Variants in GABRB3 observed in about 807,000 individuals in gnomAD.
GABRB3 encodes the protein gamma-aminobutyric acid type A receptor subunit beta3, also known as gamma-aminobutyric acid receptor subunit beta-3.
In GABRB3, 14 loss-of-function variants were observed where a neutral mutation model predicts 52.1. That is an observed-to-expected ratio of 0.27 (90% CI 0.18 to 0.42). The LOEUF (loss-of-function observed/expected upper bound fraction) is 0.42. Among genes scored for constraint, GABRB3 ranks in the 10% least tolerant of loss-of-function variants. The pLI is 1.00. For missense variants in GABRB3, 307 were observed against 609.1 expected (o/e 0.50, Z 5.22); for synonymous variants, 260 against 232.3 (o/e 1.12, Z -1.08).
At chr15:26,728,988 C>T (rs1200353594) in intron 3 of GABRB3, among the ~76,000 whole-genome samples, 1 of 152,186 alleles carries the variant, frequency 6.6e-6, no homozygotes, top group Non-Finnish European at 1.5e-5. Flanking sequence ...ATAACAGAAA[C>T]ACCCTTATAC....
chr15:26,572,935 T>C (rs916050552), intron 6 of GABRB3, among the ~76,000 whole-genome samples: 1 of 152,196 alleles, frequency 6.6e-6, no homozygotes, highest in African/African-American at 2.4e-5. Context: ...CAGTCACCAT[T>C]ATGCCAAAAA....
At chr15:26,725,684 T>C (rs902801169) in intron 3 of GABRB3, among the ~76,000 whole-genome samples, 2 of 152,202 alleles carry the variant, frequency 1.3e-5, no homozygotes, top group Non-Finnish European at 2.9e-5. Flanking sequence ...GTTTTTTTCA[T>C]ATTTGAGGAT....
At chr15:26,729,600 T>C (rs1402432681) in intron 3 of GABRB3, among the ~76,000 whole-genome samples, 1 of 152,192 alleles carries the variant, frequency 6.6e-6, no homozygotes, top group Non-Finnish European at 1.5e-5. Flanking sequence ...AAATTCTCTG[T>C]GGATGTGGAG....
rs564565242 is a variant in GABRB3, at chr15:26,681,632, G to C, written c.241-60098C>G. Among the ~76,000 whole-genome samples, 20 of 152,242 alleles carry C rather than the reference G, an allele frequency of 1.3e-4. No homozygotes were observed. The East Asian group carries it at 3.9e-3, about 29-fold the overall frequency. On this transcript the variant is annotated intron_variant, in intron 3 of 8. Transcript: ENST00000311550. ...TCTAATTAATGACAGGCATTCCCAGGCCTTGCAGCTTGGAAATGTATTTCC... is the reference window on the plus strand; with the variant it reads ...TCTAATTAATGACAGGCATTCCCAGCCCTTGCAGCTTGGAAATGTATTTCC...
At chr15:26,762,074 C>T (rs1225927832) in intron 3 of GABRB3, among the ~76,000 whole-genome samples, 3 of 152,030 alleles carry the variant, frequency 2.0e-5, no homozygotes, top group South Asian at 2.1e-4. Context: ...TCAGGTGATC[C>T]GCCCACCTTG....
chr15:26,561,851 A>G (rs1890000948), intron 7 of GABRB3, among the ~76,000 whole-genome samples: 2 of 152,240 alleles, frequency 1.3e-5, no homozygotes, highest in Admixed American at 1.3e-4. Flanking sequence ...GAATCTGTAC[A>G]CAAGCTGCTT....
intron 4 of GABRB3, among the ~76,000 whole-genome samples, chr15:26,593,301 A>T (rs28704804): frequency 6.6e-6 from 1 of 152,226 alleles, no homozygotes; most frequent in Non-Finnish European, 1.5e-5. Context: ...AATCAAAAAA[A>T]TTTTAATTAA....
Position 26,651,227 on chromosome 15 carries a change from T to C in GABRB3, c.241-29693A>G, listed in dbSNP as rs148313056. Among the ~76,000 whole-genome samples the C allele has an allele frequency of 3.8e-4, 58 of 152,338 alleles. 1 individual carries two copies. Among genetic ancestry groups the C allele is most frequent in the East Asian group, 5.8e-4 (3 of 5,168 alleles). On this transcript the variant is annotated intron_variant, in intron 3 of 8. Transcript: ENST00000311550. ...CACCACTGCAGGCCCCACACAGAGC[T>C]TGCCCCTGCTGGCGTCCAGAGGAGC...
chr15:26,558,136 G>A (rs1256788316), intron 8 of GABRB3, among the ~76,000 whole-genome samples: 1 of 152,192 alleles, frequency 6.6e-6, no homozygotes, highest in Admixed American at 6.5e-5. Flanking sequence ...CATGACCAAA[G>A]TGTATTGTGT....
At chr15:26,660,256 A>T (rs1430389909) in intron 3 of GABRB3, among the ~76,000 whole-genome samples, 2 of 151,976 alleles carry the variant, frequency 1.3e-5, no homozygotes, top group African/African-American at 4.8e-5. Context: ...AAGGGAAAAT[A>T]TACGTGTAAA....
At chr15:26,645,167 A>G (rs1893314348) in intron 3 of GABRB3, among the ~76,000 whole-genome samples, 1 of 152,020 alleles carries the variant, frequency 6.6e-6, no homozygotes, top group African/African-American at 2.4e-5. Flanking sequence ...GCTTGAGCCC[A>G]GGAATTCCAG....
At chr15:26,699,549 G>T (rs1162522090) in intron 3 of GABRB3, among the ~76,000 whole-genome samples, 2 of 148,994 alleles carry the variant, frequency 1.3e-5, no homozygotes, top group African/African-American at 5.0e-5. Flanking sequence ...CATTTTAAAA[G>T]TTATTATAAG....
intron 3 of GABRB3, among the ~76,000 whole-genome samples, chr15:26,771,202 A>G (rs572841017): frequency 1.1e-4 from 16 of 152,314 alleles, no homozygotes; most frequent in African/African-American, 3.8e-4. Context: ...ATATATTCAT[A>G]TATCTGTGAC....
chr15:26,550,928 C>G (rs1471831685), intron 8 of GABRB3, among the ~76,000 whole-genome samples: 1 of 152,182 alleles, frequency 6.6e-6, no homozygotes, highest in Non-Finnish European at 1.5e-5. Context: ...GATACATTTG[C>G]ATTGTGCCTC....
chr15:26,636,577 A>G (rs1451519487), intron 3 of GABRB3, among the ~76,000 whole-genome samples: 3 of 152,124 alleles, frequency 2.0e-5, no homozygotes, highest in African/African-American at 7.2e-5. Context: ...GATTGCCTCT[A>G]GCTGCATGGC....
chr15:26,704,031 G>C (rs1443734738), intron 3 of GABRB3, among the ~76,000 whole-genome samples: 1 of 152,226 alleles, frequency 6.6e-6, no homozygotes, highest in Non-Finnish European at 1.5e-5. Flanking sequence ...TATGGAGGCT[G>C]TCTGTGATGG....
intron 3 of GABRB3, chr15:26,624,593 T>G: frequency 1.0e-6 from 1 of 985,474 alleles, no homozygotes. Flanking sequence ...GGGTCTTGGG[T>G]GTCTGCTGAG....
chr15:26,615,944 C>T, intron 4 of GABRB3: 1 of 1,288,822 alleles, frequency 7.8e-7, no homozygotes, highest in South Asian at 1.2e-5. Context: ...CTCAGCAGTA[C>T]TTTACAAGCA....
At chr15:26,649,729 T>C (rs980046735) in intron 3 of GABRB3, among the ~76,000 whole-genome samples, 3 of 138,488 alleles carry the variant, frequency 2.2e-5, no homozygotes, top group African/African-American at 8.4e-5. Flanking sequence ...AGAGAGAAGA[T>C]AAGTCGATAA....
Sources: gnomAD v4.1 joint callset for allele counts (sites outside exome capture counted in the v4.1 genomes callset) on GRCh38, gnomAD v4.1.1 for gene constraint, MANE v1.5 for transcripts, NCBI Gene and HGNC (gene_info 2026-07-23, HGNC 2026-07-21) for gene names.